FBXO42: variants seen among roughly 807,000 people sequenced by gnomAD.
FBXO42 encodes the protein F-box only protein 42.
A neutral mutation model predicts 71.7 loss-of-function variants in FBXO42; 12 were observed. The observed-to-expected ratio is 0.17, with a 90% CI of 0.11 to 0.27. The LOEUF (loss-of-function observed/expected upper bound fraction) is 0.27. Among genes scored for constraint, FBXO42 ranks in the 10% least tolerant of loss-of-function variants. The probability of loss-of-function intolerance (pLI) is 1.00; values close to 1 mark genes in which losing one functional copy is unlikely to be tolerated. For synonymous variants in FBXO42, 325 were observed against 327.5 expected, an observed-to-expected ratio of 0.99 and a Z score of 0.08; for missense variants, 707 against 911.9, an observed-to-expected ratio of 0.78 and a Z score of 2.89.
intron 2 of FBXO42, among the ~76,000 whole-genome samples, chr1:16,307,037 A>G (rs896032282): frequency 2.0e-5 from 3 of 152,072 alleles, no homozygotes; most frequent in Admixed American, 6.6e-5. Context: ...GATTACAGAC[A>G]TGCATCACCA....
intron 1 of FBXO42, among the ~76,000 whole-genome samples, chr1:16,323,003 A>G (rs1425881023): frequency 1.3e-5 from 2 of 152,246 alleles, no homozygotes; most frequent in African/African-American, 2.4e-5. Context: ...TCAACTAGAC[A>G]TCTGACAATC....
Position 16,339,619 on chromosome 1 carries a change from G to A in FBXO42, c.-18+12636C>T, listed in dbSNP as rs183963058. On this transcript the variant is annotated intron_variant, in intron 1 of 9. Transcript: ENST00000375592. ...AGCCACCACACCCAGCCATAGTTATGTTCTTATGTAAATTTTCTCAATAAC... is the reference window on the plus strand; with the variant it reads ...AGCCACCACACCCAGCCATAGTTATATTCTTATGTAAATTTTCTCAATAAC... Among the ~76,000 whole-genome samples the A allele has an allele frequency of 8.1e-3, 1,229 of 152,158 alleles. 18 individuals carry two copies. The highest frequency in any genetic ancestry group is 0.027 in the African/African-American group (1,114 of 41,538).
intron 4 of FBXO42, among the ~76,000 whole-genome samples, chr1:16,259,070 C>T (rs556774361): frequency 1.3e-5 from 2 of 152,256 alleles, no homozygotes; most frequent in Non-Finnish European, 2.9e-5. Context: ...GTTATCACAT[C>T]AATCTGAAGT....
Position 16,280,740 on chromosome 1 carries a change from C to A in FBXO42, c.502+14043G>T, listed in dbSNP as rs570242735. On this transcript the variant is annotated intron_variant, in intron 4 of 9. Coordinates refer to ENST00000375592, the MANE Select transcript of FBXO42 (RefSeq NM_018994.3). ...CAGTGAGCCAACATCCGCCACTGCACTCCAGCTTGGGAGAGAGAGTGAAAC... is the reference window on the plus strand; with the variant it reads ...CAGTGAGCCAACATCCGCCACTGCAATCCAGCTTGGGAGAGAGAGTGAAAC... Among the ~76,000 whole-genome samples, 4 of 152,066 alleles carry A rather than the reference C, an allele frequency of 2.6e-5. No individual in the cohort carries two copies. The East Asian group carries it at 7.7e-4, about 29-fold the overall frequency.
At chr1:16,317,127 C>A (rs1302091011) in intron 1 of FBXO42, among the ~76,000 whole-genome samples, 1 of 151,074 alleles carries the variant, frequency 6.6e-6, no homozygotes, top group Non-Finnish European at 1.5e-5. Flanking sequence ...CTAAAAAATA[C>A]AAAAATTAGG....
At chr1:16,344,961 T>C (rs944920362) in intron 1 of FBXO42, among the ~76,000 whole-genome samples, 1 of 150,286 alleles carries the variant, frequency 6.7e-6, no homozygotes, top group South Asian at 2.1e-4. Context: ...TAGCTGGGTG[T>C]GGTGGTGGGC....
At chr1:16,322,169 C>CA (rs2082414352) in intron 1 of FBXO42, among the ~76,000 whole-genome samples, 2 of 152,250 alleles carry the variant, frequency 1.3e-5, no homozygotes, top group African/African-American at 4.8e-5. Context: ...AGAATTAATA[C>CA]AAATCTCTGG....
chr1:16,256,980 A>G (rs1478530001), intron 4 of FBXO42, among the ~76,000 whole-genome samples: 1 of 152,234 alleles, frequency 6.6e-6, no homozygotes, highest in Non-Finnish European at 1.5e-5. Context: ...AGTTAGAGAA[A>G]AGTTACTTAG....
intron 2 of FBXO42, among the ~76,000 whole-genome samples, chr1:16,313,146 T>C (rs2082329301): frequency 6.7e-6 from 1 of 148,900 alleles, no homozygotes; most frequent in South Asian, 2.1e-4. Context: ...AAAGTGCTCT[T>C]TAAAAAAAAA....
chr1:16,251,063 A>G lies in FBXO42; in HGVS notation c.1761T>C (p.Ser587=). The part of the protein sequence containing the change: ...LSPPLGSSPG[S]PGSQSLSSGE... ...CACTGCTCAAACTCTGGCTCCCAGG[A>G]GAGCCTGGAGAAGACCCAAGAGGAG... is the stretch of plus-strand genomic sequence containing the variant. The change falls in exon 10 of 10, where the codon TCT becomes TCC. Residue 587 remains serine, a synonymous_variant. Transcript: ENST00000375592. This position sits in a 1 kb window ranked among gnomAD's most constrained non-coding sequence, Gnocchi z 4.5. 5 of 1,614,206 alleles carry G rather than the reference A, an allele frequency of 3.1e-6. No individual in the cohort carries two copies. The highest frequency in any genetic ancestry group is 4.2e-6 in the Non-Finnish European group (5 of 1,180,050).
At chr1:16,350,575 A>G (rs1207201507) in intron 1 of FBXO42, among the ~76,000 whole-genome samples, 1 of 86,640 alleles carries the variant, frequency 1.2e-5, no homozygotes, top group Admixed American at 1.0e-4. Flanking sequence ...TAAAATTACA[A>G]AAAAAAAAAA....
chr1:16,317,515 G>C (rs1164284955), intron 1 of FBXO42, among the ~76,000 whole-genome samples: 1 of 152,022 alleles, frequency 6.6e-6, no homozygotes, highest in Non-Finnish European at 1.5e-5. Context: ...AGAATCACTT[G>C]AACCTGGGAT....
intron 2 of FBXO42, among the ~76,000 whole-genome samples, chr1:16,311,177 CA>C (rs772613523): frequency 1.6e-3 from 193 of 119,686 alleles, no homozygotes; most frequent in African/African-American, 2.4e-3. Flanking sequence ...GACTCCGTCT[CA>C]AAAAAAAAAA....
intron 1 of FBXO42, among the ~76,000 whole-genome samples, chr1:16,333,860 A>G (rs977095174): frequency 6.6e-6 from 1 of 152,198 alleles, no homozygotes; most frequent in African/African-American, 2.4e-5. Flanking sequence ...GTTCAATTTT[A>G]ACAGTCAGCA....
chr1:16,335,063 C>CAGA, intron 1 of FBXO42, among the ~76,000 whole-genome samples: 1 of 69,024 alleles, frequency 1.4e-5, no homozygotes, highest in Admixed American at 2.2e-4. Flanking sequence ...CTCGTCTGTA[C>CAGA]AAAAAAAAAA....
intron 1 of FBXO42, among the ~76,000 whole-genome samples, chr1:16,338,354 C>T (rs1019136913): frequency 2.8e-5 from 3 of 108,154 alleles, no homozygotes; most frequent in Admixed American, 1.1e-4. Context: ...GCCCTATCTC[C>T]AAAAAAAAAA....
rs1045486862 is a variant in FBXO42, at chr1:16,256,846, A to G, written c.503-87T>C. ...CTATCCATAGATCACCTTTCCCTGG[A>G]AGAGCAACAAAAGGGGAACTAATAC... is the stretch of plus-strand genomic sequence containing the variant. On this transcript the variant is annotated intron_variant, in intron 4 of 9. Transcript: ENST00000375592. The G allele has an allele frequency of 2.2e-5, 31 of 1,421,984 alleles. No homozygotes were observed. In the Admixed American group the frequency reaches 2.8e-4, roughly 13 times the overall value. The allele number at this position is 1,421,984 out of a possible 1,614,324, so 88.1% of individuals were successfully genotyped here.
chr1:16,324,139 T>C (rs907374757), intron 1 of FBXO42, among the ~76,000 whole-genome samples: 2 of 151,540 alleles, frequency 1.3e-5, no homozygotes, highest in Admixed American at 6.6e-5. Flanking sequence ...AATGAAAAAG[T>C]TATAGAAAGT....
chr1:16,288,779 GA>G (rs1557586225), intron 4 of FBXO42, among the ~76,000 whole-genome samples: 2 of 151,810 alleles, frequency 1.3e-5, no homozygotes, highest in Admixed American at 1.3e-4. Flanking sequence ...GCAGTATGGT[GA>G]AACTCCACCT....
Sources: gnomAD v4.1 joint callset for allele counts (sites outside exome capture counted in the v4.1 genomes callset) on GRCh38, gnomAD v4.1.1 for gene constraint, Gnocchi (gnomAD v3.1) non-coding constraint, MANE v1.5 for transcripts, NCBI Gene and HGNC (gene_info 2026-07-23, HGNC 2026-07-21) for gene names.